The following TM9SF4 variants were observed in gnomAD, a reference collection of about 807,000 sequenced individuals.
The protein encoded by TM9SF4 is transmembrane 9 superfamily member 4, also known as dinucleotide oxidase disulfide thiol exchanger 3 superfamily member 4.
A neutral mutation model predicts 90.4 loss-of-function variants in TM9SF4; 26 were observed. The ratio of observed to expected loss-of-function variants is 0.29; its 90% CI spans 0.21 to 0.40. The LOEUF (loss-of-function observed/expected upper bound fraction) is 0.40. Ranked by LOEUF, TM9SF4 falls within the 10% of genes least tolerant of loss-of-function variation. TM9SF4 has a pLI of 1.00. For missense variants in TM9SF4, 549 were observed against 834.8 expected, an observed-to-expected ratio of 0.66 and a Z score of 4.22; for synonymous variants, 293 against 315.4, an observed-to-expected ratio of 0.93 and a Z score of 0.75.
chr20:32,133,800 G>A (rs1396610403), intron 2 of TM9SF4, among the ~76,000 whole-genome samples: 3 of 152,194 alleles, frequency 2.0e-5, no homozygotes, highest in South Asian at 4.1e-4. Flanking sequence ...CATAGGGTTA[G>A]TTCAAACCCC....
At chr20:32,157,672 G>T (rs2046948071) in intron 13 of TM9SF4, 122 bp from the exon 14 acceptor site, 13 of 1,282,188 alleles carry the variant, frequency 1.0e-5, no homozygotes, top group South Asian at 1.4e-5. Context: ...GGGGCAGGGA[G>T]TGTGCTTCTG....
chr20:32,132,596 C>T (rs143590932), intron 1 of TM9SF4, among the ~76,000 whole-genome samples: 206 of 152,194 alleles, frequency 1.4e-3, no homozygotes, highest in African/African-American at 3.7e-3. Flanking sequence ...CTTGTAGGAA[C>T]ATCTCTTGGT....
chr20:32,125,296 A>G (rs1477496866), intron 1 of TM9SF4, among the ~76,000 whole-genome samples: 1 of 152,188 alleles, frequency 6.6e-6, no homozygotes, highest in Non-Finnish European at 1.5e-5. Flanking sequence ...CCATCACCCT[A>G]CCATGAGGTT....
intron 13 of TM9SF4, among the ~76,000 whole-genome samples, chr20:32,155,506 A>G (rs1162144181): frequency 6.6e-6 from 1 of 152,128 alleles, no homozygotes; most frequent in Non-Finnish European, 1.5e-5. Flanking sequence ...GCCCAGTGTG[A>G]GTTTATTAGG....
intron 1 of TM9SF4, among the ~76,000 whole-genome samples, chr20:32,122,067 C>T (rs2046322652): frequency 7.1e-6 from 1 of 141,824 alleles, no homozygotes. Flanking sequence ...GGCAGCTGGC[C>T]AGGCAGAGGG....
At chr20:32,138,990 G>A (rs1465971597) in intron 3 of TM9SF4, among the ~76,000 whole-genome samples, 2 of 152,186 alleles carry the variant, frequency 1.3e-5, no homozygotes, top group African/African-American at 2.4e-5. Context: ...CTGTGTCCTC[G>A]CTCTTCACTG....
At chr20:32,131,839 C>T (rs2046520008) in intron 1 of TM9SF4, among the ~76,000 whole-genome samples, 1 of 152,134 alleles carries the variant, frequency 6.6e-6, no homozygotes, top group South Asian at 2.1e-4. Flanking sequence ...TCCCAGGTGC[C>T]TATGCTGCAT....
At chr20:32,137,232 C>T (rs1452201667) in intron 3 of TM9SF4, among the ~76,000 whole-genome samples, 1 of 152,206 alleles carries the variant, frequency 6.6e-6, no homozygotes, top group African/African-American at 2.4e-5. Flanking sequence ...CTCCTTTCCT[C>T]ACCACACCAT....
Position 32,143,062 on chromosome 20 carries a change from T to C in TM9SF4, c.609T>C (p.Arg203=). The C allele has an allele frequency of 6.2e-7, 1 of 1,613,842 alleles. No homozygotes were observed. Among genetic ancestry groups the C allele is most frequent in the South Asian group, 1.1e-5 (1 of 91,070 alleles). The change falls in exon 6 of 18, where the codon CGT becomes CGC. Residue 203 remains arginine (R), a synonymous_variant. Coordinates refer to ENST00000398022, the MANE Select transcript of TM9SF4 (RefSeq NM_014742.4). ...AAGAGGACCAGGAGCACACGTACCG[T>C]GTCGTCCGCTTCGAGGTGATTCCCC... The part of the protein sequence containing the change: ...DMEEDQEHTY[R]VVRFEVIPQS...
At position 32,141,586 on chromosome 20, in the gene TM9SF4, T is replaced by C. The variant is rs1274844361; in HGVS notation, c.319T>C (p.Ser107Pro). 1 of 1,614,006 alleles carries C rather than the reference T, an allele frequency of 6.2e-7. No individual in the cohort carries two copies. Among genetic ancestry groups the C allele is most frequent in the Admixed American group, 1.7e-5 (1 of 59,986 alleles). ...GAAGTGTGAAGTTCTGTGCAGCCAG[T>C]CCAACAAGCCAGTGACCCTGACAGT... ...EKKCEVLCSQ[S>P]NKPVTLTVEQ... Residue 107 changes from serine to proline, a missense_variant, in exon 4 of 18, where the codon TCC (serine) becomes CCC (proline). Transcript: ENST00000398022.
intron 2 of TM9SF4, among the ~76,000 whole-genome samples, chr20:32,134,973 C>A (rs2046574473): frequency 6.6e-6 from 1 of 151,862 alleles, no homozygotes; most frequent in South Asian, 2.1e-4. Flanking sequence ...ATTTCTAATC[C>A]CAAAAAAGAG....
intron 1 of TM9SF4, among the ~76,000 whole-genome samples, chr20:32,123,866 A>ATATATATATATATATATATATATATTT: frequency 2.1e-5 from 2 of 93,962 alleles, no homozygotes; most frequent in African/African-American, 9.1e-5. Context: ...ATATATATAT[A>ATATATATATATATATATATATATATTT]TTTTTTTTTT....
intron 12 of TM9SF4, 99 bp from the exon 13 acceptor site, chr20:32,155,004 G>C: frequency 1.2e-6 from 1 of 850,814 alleles, no homozygotes; most frequent in South Asian, 1.3e-5. Flanking sequence ...GAGTCTGAAA[G>C]ACAAGGAGGG....
chr20:32,152,059 A>G (rs1464681539), intron 12 of TM9SF4, among the ~76,000 whole-genome samples: 1 of 149,522 alleles, frequency 6.7e-6, no homozygotes, highest in Non-Finnish European at 1.5e-5. Context: ...TTTAGTAGAG[A>G]TGGGGTTTCA....
rs1225389092 is a variant in TM9SF4 at position 32,161,336 on chromosome 20, G to A, written c.1750G>A (p.Val584Ile). The change falls in exon 17 of 18, where the codon GTT becomes ATT. Residue 584 changes from valine to isoleucine, a missense_variant. Around this residue, in one of 2 missense-constraint regions of TM9SF4, gnomAD observed 54 missense variants for 123.1 expected, o/e 0.44. Transcript: ENST00000398022. ...VSGGSAFYVL[V>I]YAIFYFVNKL... ...CGGGGGCTCTGCATTCTACGTCCTG[G>A]TTTATGCCATCTTTTATTTCGTTAA... is the stretch of plus-strand genomic sequence containing the variant. The A allele has an allele frequency of 6.2e-7, 1 of 1,613,896 alleles. No homozygotes were observed. Among genetic ancestry groups the A allele is most frequent in the Non-Finnish European group, 8.5e-7 (1 of 1,179,976 alleles).
intron 17 of TM9SF4, among the ~76,000 whole-genome samples, 156 bp downstream of exon 17, chr20:32,161,521 G>C (rs1427425309): frequency 6.6e-6 from 1 of 152,182 alleles, no homozygotes; most frequent in Non-Finnish European, 1.5e-5. Flanking sequence ...CTAGAAGATG[G>C]ATCTTTTTAG....
chr20:32,122,400 C>T lies in TM9SF4; in HGVS notation c.16-10613C>T, dbSNP rs542605101. Among the ~76,000 whole-genome samples, 496 of 151,458 alleles carry T rather than the reference C, an allele frequency of 3.3e-3. 1 individual carries two copies. The highest frequency in any genetic ancestry group is 0.011 in the African/African-American group (473 of 41,290). On this transcript the variant is annotated intron_variant, in intron 1 of 17. Coordinates refer to ENST00000398022, the MANE Select transcript of TM9SF4 (RefSeq NM_014742.4). Reference sequence around the variant, plus strand: ...GGCTGCCGGGCGGAGAGGCTCCTCACTTCTCAGACGGGGGTGCTGCCGGGC... The same window carrying T: ...GGCTGCCGGGCGGAGAGGCTCCTCATTTCTCAGACGGGGGTGCTGCCGGGC...
intron 1 of TM9SF4, among the ~76,000 whole-genome samples, chr20:32,132,362 C>T (rs2046530763): frequency 6.6e-6 from 1 of 151,982 alleles, no homozygotes; most frequent in African/African-American, 2.4e-5. Flanking sequence ...TGAGATCATG[C>T]CATTGTACTC....
intron 1 of TM9SF4, among the ~76,000 whole-genome samples, chr20:32,130,836 CT>C (rs1392908257): frequency 6.6e-6 from 1 of 152,128 alleles, no homozygotes; most frequent in Non-Finnish European, 1.5e-5. Context: ...GAATTATTTA[CT>C]GTAGTTTGCT....
Sources: gnomAD v4.1 joint callset for allele counts (sites outside exome capture counted in the v4.1 genomes callset) on GRCh38, gnomAD v4.1.1 for gene constraint, gnomAD v4.1.1 regional missense constraint, MANE v1.5 for transcripts, NCBI Gene and HGNC (gene_info 2026-07-23, HGNC 2026-07-21) for gene names.